Variants in MROH2B observed in about 807,000 individuals in gnomAD.
MROH2B encodes maestro heat like repeat family member 2B, also known as maestro heat-like repeat-containing protein family member 2B.
MROH2B carries 177 observed loss-of-function variants against 208.6 expected under a neutral mutation model. The observed-to-expected ratio is 0.85, with a 90% CI of 0.75 to 0.96. The LOEUF (loss-of-function observed/expected upper bound fraction) is 0.96, where lower values mean the gene tolerates loss of function less well. Ranked by LOEUF, MROH2B falls within the 40% of genes least tolerant of loss-of-function variation. The probability of loss-of-function intolerance (pLI) is 0.00; values close to 1 mark genes in which losing one functional copy is unlikely to be tolerated. For synonymous variants in MROH2B, 728 were observed against 659.0 expected (o/e 1.10, Z -1.60); for missense variants, 2,002 against 1,878.7 (o/e 1.07, Z -1.21).
intron 21 of MROH2B, 121 bp from the exon 22 acceptor site, chr5:41,033,985 T>A: frequency 8.1e-7 from 1 of 1,239,796 alleles, no homozygotes; most frequent in Non-Finnish European, 1.0e-6. Flanking sequence ...GGTAGAGCCT[T>A]GCCAAGGGGG....
intron 24 of MROH2B, among the ~76,000 whole-genome samples, chr5:41,028,937 G>T (rs1194633954): frequency 6.6e-6 from 1 of 152,062 alleles, no homozygotes; most frequent in Non-Finnish European, 1.5e-5. Flanking sequence ...ATCTCTCAGG[G>T]AGTGCAGATA....
chr5:41,043,155 T>C (rs1237232494), intron 18 of MROH2B, among the ~76,000 whole-genome samples: 1 of 152,122 alleles, frequency 6.6e-6, no homozygotes, highest in East Asian at 1.9e-4. Context: ...CCAAGTTAAA[T>C]TAGTACATTC....
intron 28 of MROH2B, among the ~76,000 whole-genome samples, chr5:41,016,043 C>T (rs997979685): frequency 2.0e-5 from 3 of 151,780 alleles, no homozygotes; most frequent in African/African-American, 4.9e-5. Context: ...GAAACTAACA[C>T]ATGAACCATT....
At chr5:41,019,224 C>T (rs1034749167) in intron 24 of MROH2B, among the ~76,000 whole-genome samples, 12 of 152,138 alleles carry the variant, frequency 7.9e-5, no homozygotes, top group East Asian at 3.9e-4. Flanking sequence ...ATACTCAATA[C>T]GCCTCCATTC....
chr5:41,060,944 G>C (rs984745685), intron 6 of MROH2B, among the ~76,000 whole-genome samples: 2 of 152,108 alleles, frequency 1.3e-5, no homozygotes, highest in African/African-American at 2.4e-5. Flanking sequence ...GCAATGAAGA[G>C]ACCTAAATAG....
intron 11 of MROH2B, among the ~76,000 whole-genome samples, chr5:41,053,043 T>C (rs770667281): frequency 1.3e-5 from 2 of 152,146 alleles, no homozygotes; most frequent in Non-Finnish European, 2.9e-5. Flanking sequence ...TTAGCCAAAA[T>C]CTTTCTCCTT....
Position 41,061,705 on chromosome 5 carries a change from T to C in MROH2B, c.480A>G (p.Lys160=), listed in dbSNP as rs1268151750. 4 of 1,613,712 alleles carry C rather than the reference T, an allele frequency of 2.5e-6. No homozygotes were observed. In the East Asian group the frequency reaches 8.9e-5, roughly 36 times the overall value. The change falls in exon 6 of 42, where the codon AAA becomes AAG. Residue 160 remains lysine, a synonymous_variant. Transcript: ENST00000399564. ...AGTGGTTGACATATTTGTAAATGGCTTTGCTGAATTTCTCAAGGGCTGCAT... is the reference window on the plus strand; with the variant it reads ...AGTGGTTGACATATTTGTAAATGGCCTTGCTGAATTTCTCAAGGGCTGCAT... ...TFCIALEKFS[K]AIYKYVNHWR...
chr5:41,019,902 C>T (rs1401138950), intron 24 of MROH2B, among the ~76,000 whole-genome samples: 1 of 152,144 alleles, frequency 6.6e-6, no homozygotes, highest in East Asian at 1.9e-4. Flanking sequence ...TGTTCACACT[C>T]ATGAAAACAC....
chr5:41,003,476 G>T (rs767078403), intron 37 of MROH2B, among the ~76,000 whole-genome samples: 37 of 152,116 alleles, frequency 2.4e-4, no homozygotes, highest in Non-Finnish European at 7.4e-5. Flanking sequence ...ATGGAGCAAA[G>T]AAATGGGAAA....
intron 24 of MROH2B, among the ~76,000 whole-genome samples, chr5:41,023,446 T>C (rs997341045): frequency 2.6e-5 from 4 of 152,152 alleles, no homozygotes; most frequent in Non-Finnish European, 4.4e-5. Context: ...GTATCAGTGA[T>C]TGAAGATCAA....
In MROH2B at chr5:41,049,284, T is replaced by C; in HGVS notation, c.1497A>G (p.Gly499=). 1 of 1,613,220 alleles carries C rather than the reference T, an allele frequency of 6.2e-7. No individual in the cohort carries two copies. ...KESTALVVST[G]AVKLPSPQQL... is the part of the protein sequence containing the mutation. ...TGTGTTTATGAATGTACAGACCAGC[T>C]CCTGTAGAGACGACAAGTGCTGTCG... Residue 499 remains glycine, a synonymous_variant, in exon 14 of 42, where the codon GGA becomes GGG. Transcript: ENST00000399564.
Position 41,024,529 on chromosome 5 carries a change from A to T in MROH2B, c.2442-5511T>A, listed in dbSNP as rs1236015941. Reference sequence around the variant, plus strand: ...ACCCAATACAGGAGCACCAAGATTCATAAAGCAAGTCCTGAGTGACCTACA... The same window carrying T: ...ACCCAATACAGGAGCACCAAGATTCTTAAAGCAAGTCCTGAGTGACCTACA... On this transcript the variant is annotated intron_variant, in intron 24 of 41. Transcript: ENST00000399564. 2.6e-5 allele frequency among the ~76,000 whole-genome samples: 4 copies of T among 152,338 alleles called. No individual in the cohort carries two copies. The East Asian group carries it at 7.7e-4, about 29-fold the overall frequency.
Position 41,065,356 on chromosome 5 carries a change from G to A in MROH2B, c.336C>T (p.Ala112=), listed in dbSNP as rs1300798373. ...LELPDEFVVL[A]LAELATSYVS... is the part of the protein sequence containing the mutation. The stretch of plus-strand genomic sequence containing the variant: ...CATAGCTGGTTGCCAATTCAGCCAG[G>A]GCAAGCACAACGAATTCATCTGGTA... Residue 112 remains alanine (A), a synonymous_variant, in exon 4 of 42, where the codon GCC becomes GCT. Transcript: ENST00000399564. 5 of 1,612,626 alleles carry A rather than the reference G, an allele frequency of 3.1e-6. No individual in the cohort carries two copies. The African/African-American group carries it at 4.0e-5, about 13-fold the overall frequency.
chr5:41,068,967 G>C (rs1743895932), intron 2 of MROH2B, among the ~76,000 whole-genome samples: 1 of 152,166 alleles, frequency 6.6e-6, no homozygotes, highest in Non-Finnish European at 1.5e-5. Context: ...TGAATTAAGA[G>C]ATAAAGGTAT....
chr5:41,011,729 A>G (rs1741780603), intron 30 of MROH2B, among the ~76,000 whole-genome samples: 1 of 150,692 alleles, frequency 6.6e-6, no homozygotes, highest in Non-Finnish European at 1.5e-5. Context: ...GTGCAGTTGC[A>G]CAATCTCAGC....
chr5:41,017,591 G>A (rs996467000), intron 28 of MROH2B, among the ~76,000 whole-genome samples: 1 of 152,032 alleles, frequency 6.6e-6, no homozygotes, highest in East Asian at 1.9e-4. Context: ...TTCAGATCTA[G>A]GAGACAGATT....
chr5:41,022,007 C>T (rs904348193), intron 24 of MROH2B, among the ~76,000 whole-genome samples: 21 of 152,134 alleles, frequency 1.4e-4, no homozygotes, highest in Admixed American at 7.2e-4. Flanking sequence ...TTTTAAAAAA[C>T]AAATTTTATT....
chr5:41,009,805 T>C, intron 31 of MROH2B, 117 bp downstream of exon 31: 1 of 962,800 alleles, frequency 1.0e-6, no homozygotes, highest in South Asian at 2.2e-5. Flanking sequence ...AAATTGTTAT[T>C]CAGATGAGCT....
Position 41,042,210 on chromosome 5 carries a change from T to G in MROH2B, c.1837-2A>C, listed in dbSNP as rs1485019106. On this transcript the variant is annotated splice_acceptor_variant, in intron 18 of 41. Coordinates refer to ENST00000399564, the MANE Select transcript of MROH2B (RefSeq NM_173489.5). LOFTEE classifies it high-confidence loss of function. ...TCCCAAGGCTTTCCAAAGGAATTTC[T>G]GGAAAACAAAAGATAAGCAACAGGA... The G allele has an allele frequency of 6.5e-7, 1 of 1,534,020 alleles. No individual in the cohort carries two copies. Among genetic ancestry groups the G allele is most frequent in the Admixed American group, 1.9e-5 (1 of 52,832 alleles).
Sources: gnomAD v4.1 joint callset for allele counts (sites outside exome capture counted in the v4.1 genomes callset) on GRCh38, gnomAD v4.1.1 for gene constraint, MANE v1.5 for transcripts, NCBI Gene and HGNC (gene_info 2026-07-23, HGNC 2026-07-21) for gene names.